CNTNAP4: variants seen among roughly 807,000 people sequenced by gnomAD.
CNTNAP4 encodes the protein contactin-associated protein-like 4.
In CNTNAP4, 98 loss-of-function variants were observed where a neutral mutation model predicts 148.4. The ratio of observed to expected loss-of-function variants is 0.66; its 90% CI spans 0.56 to 0.78. The LOEUF is 0.78. Among genes scored for constraint, CNTNAP4 ranks in the 30% least tolerant of loss-of-function variants. CNTNAP4 has a pLI of 0.00. For missense variants in CNTNAP4, 1,935 were observed against 1,565.6 expected (o/e 1.24, Z -3.98); for synonymous variants, 730 against 565.1 (o/e 1.29, Z -4.14).
intron 3 of CNTNAP4, among the ~76,000 whole-genome samples, chr16:76,361,706 TCAGTTTTTAATTTTTGAGGAAATTC>T (rs2013458981): frequency 6.6e-6 from 1 of 152,226 alleles, no homozygotes; most frequent in Non-Finnish European, 1.5e-5. Context: ...ACATGGAATT[TCAGTTTTTAATTTTTGAGGAAATTC>T]CATACTGCAT....
Position 76,553,816 on chromosome 16 carries a change from T to C in CNTNAP4, c.3662-20T>C. The stretch of plus-strand genomic sequence containing the variant: ...TACTTGCCTATATCACCTTCCCCCT[T>C]TGTTGTGCTTTAACTGCAGATCATT... On this transcript the variant is annotated intron_variant, in intron 22 of 23. Transcript: ENST00000611870. The C allele has an allele frequency of 1.9e-6, 3 of 1,564,886 alleles. No individual in the cohort carries two copies. The highest frequency in any genetic ancestry group is 1.4e-5 in the African/African-American group (1 of 73,904).
intron 17 of CNTNAP4, among the ~76,000 whole-genome samples, chr16:76,528,297 G>T (rs2083828093): frequency 6.6e-6 from 1 of 152,084 alleles, no homozygotes; most frequent in South Asian, 2.1e-4. Flanking sequence ...CTCTCTCTCT[G>T]TCACCCAGAC....
chr16:76,483,829 A>G (rs2081929026), intron 12 of CNTNAP4, among the ~76,000 whole-genome samples: 1 of 152,178 alleles, frequency 6.6e-6, no homozygotes, highest in East Asian at 1.9e-4. Context: ...TTCACAAATG[A>G]CTGTGAAAGC....
intron 21 of CNTNAP4, among the ~76,000 whole-genome samples, chr16:76,548,405 G>A (rs972191272): frequency 1.4e-5 from 2 of 142,902 alleles, no homozygotes; most frequent in African/African-American, 2.6e-5. Context: ...AAAGTACTTC[G>A]TTTTCTGAGT....
At chr16:76,534,750 C>G (rs2084141731) in intron 17 of CNTNAP4, among the ~76,000 whole-genome samples, 2 of 152,158 alleles carry the variant, frequency 1.3e-5, no homozygotes, top group Admixed American at 1.3e-4. Flanking sequence ...TTATTAGAAG[C>G]TCTCCGTGTG....
rs1328625121 is a variant in CNTNAP4, at chr16:76,522,078, G to C, written c.2576G>C (p.Gly859Ala). 6.2e-7 allele frequency: 1 copy of C among 1,613,842 alleles called. No individual in the cohort carries two copies. Among genetic ancestry groups the C allele is most frequent in the South Asian group, 1.1e-5 (1 of 91,066 alleles). ...ACTTTTTCATTTGATGTGGGGAATG[G>C]GCCTTTTGAAATCTCAGTGCAGTCA... ...VVTFSFDVGNGPFEISVQSPT... is the reference protein window; with the variant it reads ...VVTFSFDVGNAPFEISVQSPT... Residue 859 changes from glycine (G) to alanine (A), a missense_variant, in exon 17 of 24, where the codon GGG becomes GCG. Transcript: ENST00000611870.
chr16:76,297,444 G>T (rs1597111727), intron 1 of CNTNAP4, among the ~76,000 whole-genome samples: 1 of 152,058 alleles, frequency 6.6e-6, no homozygotes, highest in Non-Finnish European at 1.5e-5. Context: ...CAGCCCTAAA[G>T]AATTAAAGGG....
intron 4 of CNTNAP4, among the ~76,000 whole-genome samples, chr16:76,434,073 T>C (rs1481049508): frequency 6.7e-6 from 1 of 149,904 alleles, no homozygotes. Context: ...GAAATTTATA[T>C]ATACAAAGGG....
rs140905610 is a variant in CNTNAP4 at position 76,321,070 on chromosome 16, C to T, written c.196+4547C>T. The stretch of plus-strand genomic sequence containing the variant: ...TGGATATTTGTCTATCATAATATTT[C>T]CTGATGTTAAAAATTGGATATTTGT... On this transcript the variant is annotated intron_variant, in intron 2 of 23. Coordinates refer to ENST00000611870, the MANE Select transcript of CNTNAP4 (RefSeq NM_033401.5). 1.1e-3 allele frequency among the ~76,000 whole-genome samples: 170 copies of T among 152,154 alleles called. 1 individual carries two copies. The highest frequency in any genetic ancestry group is 6.8e-3 in the Middle Eastern group (2 of 294).
intron 10 of CNTNAP4, among the ~76,000 whole-genome samples, chr16:76,474,253 G>A (rs1412861701): frequency 6.6e-6 from 1 of 152,174 alleles, no homozygotes; most frequent in African/African-American, 2.4e-5. Context: ...GTGACTCCCA[G>A]GTCCTTGAAA....
intron 15 of CNTNAP4, 99 bp downstream of exon 15, chr16:76,498,793 C>T: frequency 8.3e-7 from 1 of 1,207,024 alleles, no homozygotes; most frequent in Non-Finnish European, 1.1e-6. Flanking sequence ...AATAACTAAT[C>T]AGACTTCTAT....
intron 2 of CNTNAP4, among the ~76,000 whole-genome samples, chr16:76,317,101 A>G (rs1961840034): frequency 8.7e-6 from 1 of 114,616 alleles, no homozygotes; most frequent in Non-Finnish European, 1.8e-5. Context: ...CCTTGTCTCT[A>G]CAAAATAATA....
intron 17 of CNTNAP4, among the ~76,000 whole-genome samples, chr16:76,531,824 A>C (rs2083997882): frequency 6.6e-6 from 1 of 152,228 alleles, no homozygotes; most frequent in Non-Finnish European, 1.5e-5. Flanking sequence ...GTGTCTAATT[A>C]GACATTATGT....
intron 1 of CNTNAP4, among the ~76,000 whole-genome samples, chr16:76,295,278 A>G (rs1959207852): frequency 6.6e-6 from 1 of 152,322 alleles, no homozygotes; most frequent in South Asian, 2.1e-4. Context: ...GAGTCTTTGA[A>G]TGCACCACAG....
chr16:76,407,138 G>C (rs992825714), intron 3 of CNTNAP4, among the ~76,000 whole-genome samples: 2 of 152,052 alleles, frequency 1.3e-5, no homozygotes, highest in African/African-American at 4.8e-5. Flanking sequence ...AAAATCCTAG[G>C]ACACGTAAGA....
intron 3 of CNTNAP4, among the ~76,000 whole-genome samples, chr16:76,372,930 G>C (rs1021850633): frequency 1.3e-5 from 2 of 152,136 alleles, no homozygotes; most frequent in Non-Finnish European, 2.9e-5. Context: ...TCCATGCTTT[G>C]TTGCTAATGT....
chr16:76,339,429 A>G (rs1964286044), intron 2 of CNTNAP4, among the ~76,000 whole-genome samples: 1 of 152,130 alleles, frequency 6.6e-6, no homozygotes, highest in South Asian at 2.1e-4. Context: ...TTTAAATTTT[A>G]AGATATTTAT....
intron 13 of CNTNAP4, among the ~76,000 whole-genome samples, chr16:76,493,988 A>T (rs1310287789): frequency 1.3e-5 from 2 of 152,240 alleles, no homozygotes; most frequent in Non-Finnish European, 2.9e-5. Context: ...AGTCGACAGA[A>T]AAATGGTCAA....
intron 8 of CNTNAP4, among the ~76,000 whole-genome samples, chr16:76,461,324 G>A (rs751036635): frequency 3.3e-5 from 5 of 152,230 alleles, no homozygotes; most frequent in Middle Eastern, 3.4e-3. Context: ...TTACTGCTCT[G>A]TACATGTCCT....
Sources: gnomAD v4.1 joint callset for allele counts (sites outside exome capture counted in the v4.1 genomes callset) on GRCh38, gnomAD v4.1.1 for gene constraint, MANE v1.5 for transcripts, NCBI Gene and HGNC (gene_info 2026-07-23, HGNC 2026-07-21) for gene names.